NDST3: variants seen among roughly 807,000 people sequenced by gnomAD.
The protein encoded by NDST3 is N-deacetylase and N-sulfotransferase 3.
NDST3 carries 58 observed loss-of-function variants against 96.1 expected under a neutral mutation model. That is an observed-to-expected ratio of 0.60 (90% confidence interval 0.49 to 0.75). NDST3 has a LOEUF of 0.75. Among genes scored for constraint, NDST3 ranks in the 30% least tolerant of loss-of-function variants. The pLI is 0.00. For missense variants in NDST3, 788 were observed against 1,034.2 expected (o/e 0.76, Z 3.27); for synonymous variants, 333 against 359.7 (o/e 0.93, Z 0.84).
At chr4:118,170,864 G>A (rs1735898196) in intron 6 of NDST3, among the ~76,000 whole-genome samples, 2 of 152,158 alleles carry the variant, frequency 1.3e-5, no homozygotes, top group Admixed American at 6.5e-5. Context: ...ATTAAATGAA[G>A]AGAAAGTAAA....
chr4:118,062,300 C>G (rs1483586724), intron 2 of NDST3, among the ~76,000 whole-genome samples: 1 of 152,040 alleles, frequency 6.6e-6, no homozygotes, highest in Non-Finnish European at 1.5e-5. Flanking sequence ...ATTAAGTTCC[C>G]TCATATATAT....
At chr4:118,113,568 G>A (rs1730818481) in intron 3 of NDST3, among the ~76,000 whole-genome samples, 1 of 152,176 alleles carries the variant, frequency 6.6e-6, no homozygotes, top group African/African-American at 2.4e-5. Flanking sequence ...CACAGGACCT[G>A]ATTCTTTTCC....
At position 118,256,578 on chromosome 4, in the gene NDST3, C is replaced by G. The variant is rs1742135782; in HGVS notation, c.*866C>G. ...TGTCCACTTGCTGTAAGCTGTGAAT[C>G]TATCCCAGTAGTCCTCACTAGTTCT... On this transcript the variant is annotated 3_prime_UTR_variant, in exon 14 of 14. Coordinates refer to ENST00000296499, the MANE Select transcript of NDST3 (RefSeq NM_004784.3). The G allele has an allele frequency of 1.3e-5, 2 of 152,182 alleles. No homozygotes were observed. The highest frequency in any genetic ancestry group is 2.9e-5 in the Non-Finnish European group (2 of 68,028). The allele number at this position is 152,182 out of a possible 1,614,324, so 9.4% of individuals were successfully genotyped here.
At chr4:118,104,040 C>T (rs773136356) in intron 2 of NDST3, among the ~76,000 whole-genome samples, 3 of 152,080 alleles carry the variant, frequency 2.0e-5, no homozygotes, top group Non-Finnish European at 4.4e-5. Flanking sequence ...GGACCATAAA[C>T]ATGATGAGGC....
chr4:118,058,309 T>G (rs576638124), intron 2 of NDST3, among the ~76,000 whole-genome samples: 125 of 151,614 alleles, frequency 8.2e-4, no homozygotes, highest in Non-Finnish European at 1.4e-3. Flanking sequence ...TGAATAGCAA[T>G]GCAATATCAG....
Position 118,058,994 on chromosome 4 carries a change from C to T in NDST3, c.981+4103C>T, listed in dbSNP as rs546091912. Reference sequence around the variant, plus strand: ...ATGAGAAGATTCTGGAGAAGGTGGTCTTTCAGGGTTTTACTGAACTCCTTG... The same window carrying T: ...ATGAGAAGATTCTGGAGAAGGTGGTTTTTCAGGGTTTTACTGAACTCCTTG... On this transcript the variant is annotated intron_variant, in intron 2 of 13. Transcript: ENST00000296499. 2.0e-5 allele frequency among the ~76,000 whole-genome samples: 3 copies of T among 152,166 alleles called. No individual in the cohort carries two copies. The South Asian group carries it at 6.2e-4, about 32-fold the overall frequency.
chr4:118,055,708 C>G (rs145564204), intron 2 of NDST3: 3 of 151,896 alleles, frequency 2.0e-5, no homozygotes, highest in African/African-American at 7.2e-5. Flanking sequence ...CTCTGTTATA[C>G]TATGTATTGA....
At chr4:118,155,446 T>C (rs144930044) in intron 6 of NDST3, among the ~76,000 whole-genome samples, 41 of 152,342 alleles carry the variant, frequency 2.7e-4, no homozygotes, top group African/African-American at 9.9e-4. Flanking sequence ...GGGTTGGTTC[T>C]TGCCTTGTGC....
At chr4:118,181,468 A>T (rs1188641760) in intron 6 of NDST3, among the ~76,000 whole-genome samples, 4 of 152,140 alleles carry the variant, frequency 2.6e-5, no homozygotes, top group Admixed American at 6.6e-5. Context: ...CAAGAAAGGA[A>T]GCAAACAGAA....
rs146979246 is a variant in NDST3, at chr4:118,134,113, T to C, written c.1225-3941T>C. ...AAAGATATGACAGAATAAATTACCT[T>C]CAGATTTATCCAGGTGAAGATTTGG... On this transcript the variant is annotated intron_variant, in intron 4 of 13. Coordinates refer to ENST00000296499, the MANE Select transcript of NDST3 (RefSeq NM_004784.3). Among the ~76,000 whole-genome samples the C allele has an allele frequency of 7.5e-4, 114 of 152,288 alleles. No homozygotes were observed. The East Asian group carries it at 0.017, about 23-fold the overall frequency.
chr4:118,129,364 A>G (rs934116896), intron 4 of NDST3, among the ~76,000 whole-genome samples: 10 of 152,048 alleles, frequency 6.6e-5, no homozygotes, highest in Middle Eastern at 3.4e-3. Flanking sequence ...GCTGTATCCC[A>G]TAGGTTTTGG....
chr4:118,226,936 T>A lies in NDST3; in HGVS notation c.1773T>A (p.Thr591=), dbSNP rs759001229. ...GAGACATTTGGTCTAAAGAAAAAAC[T>A]TGTGATCGCTTACCAAAATTCTTGG... ...RHRDIWSKEK[T]CDRLPKFLVI... is the part of the protein sequence containing the mutation. The change falls in exon 8 of 14, where the codon ACT becomes ACA. Residue 591 remains threonine, a synonymous_variant. Transcript: ENST00000296499. 1 of 1,613,618 alleles carries A rather than the reference T, an allele frequency of 6.2e-7. No homozygotes were observed. The highest frequency in any genetic ancestry group is 8.5e-7 in the Non-Finnish European group (1 of 1,179,874).
chr4:118,033,342 G>A (rs1356329270), upstream of NDST3, among the ~76,000 whole-genome samples: 1 of 152,124 alleles, frequency 6.6e-6, no homozygotes, highest in Non-Finnish European at 1.5e-5. Flanking sequence ...CGTCGCCTCG[G>A]GGACTCGCAC....
At chr4:118,211,888 A>T (rs1738825323) in intron 6 of NDST3, among the ~76,000 whole-genome samples, 1 of 152,036 alleles carries the variant, frequency 6.6e-6, no homozygotes, top group Admixed American at 6.6e-5. Flanking sequence ...CCCTTGAGGA[A>T]CTCCTTCTCT....
chr4:118,162,639 T>C (rs1735247506), intron 6 of NDST3, among the ~76,000 whole-genome samples: 1 of 149,280 alleles, frequency 6.7e-6, no homozygotes, highest in Non-Finnish European at 1.5e-5. Flanking sequence ...CCTAAAACCA[T>C]AAAAACCCTA....
chr4:118,048,123 C>G (rs1019047670), intron 1 of NDST3, among the ~76,000 whole-genome samples: 1 of 152,100 alleles, frequency 6.6e-6, no homozygotes, highest in African/African-American at 2.4e-5. Context: ...CATATGGCAC[C>G]AAACTAAGCT....
chr4:118,164,674 A>G (rs1735425336), intron 6 of NDST3, among the ~76,000 whole-genome samples: 1 of 152,166 alleles, frequency 6.6e-6, no homozygotes, highest in African/African-American at 2.4e-5. Flanking sequence ...TATACAGAAA[A>G]ATAGATAATA....
chr4:118,188,990 A>C (rs1737136157), intron 6 of NDST3, among the ~76,000 whole-genome samples: 2 of 152,192 alleles, frequency 1.3e-5, no homozygotes, highest in Admixed American at 1.3e-4. Flanking sequence ...ATATACTGAG[A>C]TATATTAGAA....
At chr4:118,155,458 C>T (rs1665078710) in intron 6 of NDST3, among the ~76,000 whole-genome samples, 1 of 152,174 alleles carries the variant, frequency 6.6e-6, no homozygotes, top group Non-Finnish European at 1.5e-5. Context: ...GCCTTGTGCC[C>T]TGAACTGCCA....
Sources: allele counts gnomAD v4.1 joint callset (sites outside exome capture counted in the v4.1 genomes callset), GRCh38; gene constraint gnomAD v4.1.1; transcripts MANE v1.5; gene names NCBI Gene and HGNC (gene_info 2026-07-23, HGNC 2026-07-21).